The following PITPNC1 variants were observed in gnomAD, a reference collection of about 807,000 sequenced individuals.
PITPNC1 encodes cytoplasmic phosphatidylinositol transfer protein 1.
A neutral mutation model predicts 44.7 loss-of-function variants in PITPNC1; 18 were observed. The observed-to-expected ratio is 0.40, with a 90% CI of 0.28 to 0.60. The LOEUF (loss-of-function observed/expected upper bound fraction) is 0.60, where lower values mean the gene tolerates loss of function less well. Ranked by LOEUF, PITPNC1 falls within the 20% of genes least tolerant of loss-of-function variation. The pLI is 0.39. For missense variants in PITPNC1, 290 were observed against 418.4 expected (o/e 0.69, Z 2.68); for synonymous variants, 141 against 149.6 (o/e 0.94, Z 0.42).
intron 1 of PITPNC1, among the ~76,000 whole-genome samples, chr17:67,472,352 A>AG (rs1429014583): frequency 6.7e-6 from 1 of 148,300 alleles, no homozygotes; most frequent in African/African-American, 2.5e-5. Flanking sequence ...AAAAAAAAAA[A>AG]AAAAAAAAAA....
At chr17:67,573,238 A>G (rs2041087805) in intron 4 of PITPNC1, among the ~76,000 whole-genome samples, 1 of 152,090 alleles carries the variant, frequency 6.6e-6, no homozygotes, top group Non-Finnish European at 1.5e-5. Context: ...GGAATTTGCG[A>G]TGTTGATTTG....
intron 2 of PITPNC1, 40 bp from the exon 3 acceptor site, chr17:67,552,217 G>T: frequency 9.9e-7 from 1 of 1,013,938 alleles, no homozygotes; most frequent in South Asian, 1.3e-5. Context: ...GTGAGACTCT[G>T]AACAGACTCC....
At chr17:67,652,903 G>T (rs144789076) in intron 6 of PITPNC1, among the ~76,000 whole-genome samples, 211 of 152,308 alleles carry the variant, frequency 1.4e-3, no homozygotes, top group African/African-American at 5.1e-3. Context: ...AACTTACTTG[G>T]GATAGGGTCT....
chr17:67,675,225 T>G (rs1012454147), intron 7 of PITPNC1, among the ~76,000 whole-genome samples: 1 of 151,912 alleles, frequency 6.6e-6, no homozygotes, highest in African/African-American at 2.4e-5. Flanking sequence ...GTCATTAGTT[T>G]GTACACACAC....
At chr17:67,645,825 C>T (rs2144357849) in intron 6 of PITPNC1, among the ~76,000 whole-genome samples, 1 of 152,252 alleles carries the variant, frequency 6.6e-6, no homozygotes, top group Non-Finnish European at 1.5e-5. Context: ...AGTTTATTTC[C>T]TCCACCCAAA....
In PITPNC1 at chr17:67,601,428, C is replaced by T. The variant is rs1214892842; in HGVS notation, c.366+23171C>T. ...TAACTGTGAAATACTGAGGAAGGAGCTGGTAGGCCAGTGAGTTTGGAGTTA... is the reference window on the plus strand; with the variant it reads ...TAACTGTGAAATACTGAGGAAGGAGTTGGTAGGCCAGTGAGTTTGGAGTTA... On this transcript the variant is annotated intron_variant, in intron 5 of 8. Coordinates refer to ENST00000581322, the MANE Select transcript of PITPNC1 (RefSeq NM_012417.4). 2.0e-5 allele frequency among the ~76,000 whole-genome samples: 3 copies of T among 152,014 alleles called. No individual in the cohort carries two copies. In the East Asian group the frequency reaches 5.8e-4, roughly 29 times the overall value.
intron 1 of PITPNC1, among the ~76,000 whole-genome samples, chr17:67,382,133 G>C (rs1042871471): frequency 6.6e-6 from 1 of 152,088 alleles, no homozygotes; most frequent in African/African-American, 2.4e-5. Flanking sequence ...AACATTTCTT[G>C]AAAACAGATA....
chr17:67,428,014 C>T (rs576633626), intron 1 of PITPNC1, among the ~76,000 whole-genome samples: 2 of 152,124 alleles, frequency 1.3e-5, no homozygotes, highest in Admixed American at 6.6e-5. Context: ...ATGGGGTTCT[C>T]GATGTGTTGC....
chr17:67,572,111 CTT>C (rs2041065313), intron 4 of PITPNC1, among the ~76,000 whole-genome samples: 1 of 152,160 alleles, frequency 6.6e-6, no homozygotes, highest in African/African-American at 2.4e-5. Context: ...CCTTAGACAT[CTT>C]TTTCTGTTTT....
intron 1 of PITPNC1, among the ~76,000 whole-genome samples, chr17:67,519,687 C>A (rs923058455): frequency 2.6e-5 from 4 of 152,186 alleles, no homozygotes; most frequent in African/African-American, 9.7e-5. Flanking sequence ...CAGCCATACA[C>A]CCTCTCTGGC....
At chr17:67,544,411 T>G (rs2040650381) in intron 2 of PITPNC1, among the ~76,000 whole-genome samples, 1 of 140,962 alleles carries the variant, frequency 7.1e-6, no homozygotes, top group African/African-American at 2.6e-5. Context: ...GGAATGGGGG[T>G]GGGGGTGGAG....
intron 2 of PITPNC1, among the ~76,000 whole-genome samples, chr17:67,550,788 G>A (rs1316903756): frequency 1.3e-5 from 2 of 152,200 alleles, no homozygotes; most frequent in African/African-American, 2.4e-5. Flanking sequence ...TGGGCCGGGC[G>A]CAGTCGCTCA....
intron 1 of PITPNC1, among the ~76,000 whole-genome samples, chr17:67,522,412 G>C (rs1292344992): frequency 1.3e-5 from 2 of 152,070 alleles, no homozygotes; most frequent in Admixed American, 1.3e-4. Flanking sequence ...TTTCTCCGGG[G>C]AGTCTTTTCA....
intron 1 of PITPNC1, chr17:67,456,992 A>G (rs2039262749): frequency 6.6e-6 from 1 of 150,494 alleles, no homozygotes; most frequent in Non-Finnish European, 1.5e-5. Flanking sequence ...TGTTTTCTCA[A>G]CTTCTCAACC....
At chr17:67,480,340 TGTTA>T (rs2039685744) in intron 1 of PITPNC1, among the ~76,000 whole-genome samples, 2 of 152,210 alleles carry the variant, frequency 1.3e-5, no homozygotes, top group African/African-American at 4.8e-5. Flanking sequence ...TGCAGGGATA[TGTTA>T]AGAATAGAGA....
At chr17:67,639,805 G>A (rs1405406963) in intron 6 of PITPNC1, among the ~76,000 whole-genome samples, 1 of 152,218 alleles carries the variant, frequency 6.6e-6, no homozygotes, top group Non-Finnish European at 1.5e-5. Flanking sequence ...ACTGTCAAGG[G>A]TGAGAGATTA....
At chr17:67,585,237 T>C (rs1023480679) in intron 5 of PITPNC1, among the ~76,000 whole-genome samples, 1 of 151,804 alleles carries the variant, frequency 6.6e-6, no homozygotes, top group Non-Finnish European at 1.5e-5. Context: ...CTAGGAAAGC[T>C]ATAAACAGAC....
At chr17:67,484,239 T>C (rs1357213387) in intron 1 of PITPNC1, among the ~76,000 whole-genome samples, 2 of 152,172 alleles carry the variant, frequency 1.3e-5, no homozygotes, top group African/African-American at 4.8e-5. Flanking sequence ...CTTTTCTTCA[T>C]TCCATTTTCT....
intron 6 of PITPNC1, among the ~76,000 whole-genome samples, chr17:67,633,014 A>G (rs556371977): frequency 1.3e-5 from 2 of 152,212 alleles, no homozygotes; most frequent in Admixed American, 1.3e-4. Flanking sequence ...CTGGTTTTCA[A>G]CCTACCAGGA....
Sources: gnomAD v4.1 joint callset for allele counts (sites outside exome capture counted in the v4.1 genomes callset) on GRCh38, gnomAD v4.1.1 for gene constraint, MANE v1.5 for transcripts, NCBI Gene and HGNC (gene_info 2026-07-23, HGNC 2026-07-21) for gene names.